The following UBL3 variants were observed in gnomAD, a reference collection of about 807,000 sequenced individuals.
UBL3 encodes the protein ubiquitin-like protein 3.
Under a neutral mutation model 18.4 loss-of-function variants are expected in UBL3, and 6 were observed. That is an observed-to-expected ratio of 0.33 (90% CI 0.18 to 0.64). The LOEUF (loss-of-function observed/expected upper bound fraction) is 0.64, where lower values mean the gene tolerates loss of function less well. Ranked by LOEUF, UBL3 falls within the 30% of genes least tolerant of loss-of-function variation. UBL3 has a pLI of 0.76. For synonymous variants in UBL3, 49 were observed against 46.6 expected, an observed-to-expected ratio of 1.05 and a Z score of -0.21; for missense variants, 109 against 142.9, an observed-to-expected ratio of 0.76 and a Z score of 1.21.
At chr13:29,801,363 C>G (rs1480002969) in intron 1 of UBL3, among the ~76,000 whole-genome samples, 1 of 152,066 alleles carries the variant, frequency 6.6e-6, no homozygotes, top group African/African-American at 2.4e-5. Context: ...CAACCAATAG[C>G]AGCGGTTCTG....
chr13:29,839,852 G>A (rs538255792), intron 1 of UBL3, among the ~76,000 whole-genome samples: 7 of 151,554 alleles, frequency 4.6e-5, no homozygotes, highest in Non-Finnish European at 8.8e-5. Flanking sequence ...GCGTGAACCC[G>A]GGAGGCGGAG....
At chr13:29,805,778 T>A (rs12877107) in intron 1 of UBL3, among the ~76,000 whole-genome samples, 15,533 of 152,216 alleles carry the variant, frequency 0.1, 970 homozygotes, top group African/African-American at 0.17. Context: ...GCTAGACTTT[T>A]AAATAAATTC....
At chr13:29,835,109 TATATATATATATATAA>T (rs1878899738) in intron 1 of UBL3, among the ~76,000 whole-genome samples, 17 of 15,576 alleles carry the variant, frequency 1.1e-3, no homozygotes, top group African/African-American at 3.4e-3. Context: ...TATATATAAA[TATATATATATATATAA>T]ATATATATAT....
chr13:29,811,785 ATAAT>A (rs946566203), intron 1 of UBL3, among the ~76,000 whole-genome samples: 8 of 152,114 alleles, frequency 5.3e-5, no homozygotes. Flanking sequence ...GTTATGTGAG[ATAAT>A]TAAATATCTT....
intron 1 of UBL3, among the ~76,000 whole-genome samples, chr13:29,835,142 ATATATATAT>A (rs1878916574): frequency 1.6e-4 from 2 of 12,322 alleles, no homozygotes; most frequent in Non-Finnish European, 2.9e-4. Flanking sequence ...ATATATATAT[ATATATATAT>A]ATATATATAT....
chr13:29,801,097 C>T (rs1877750079), intron 1 of UBL3, among the ~76,000 whole-genome samples: 1 of 152,172 alleles, frequency 6.6e-6, no homozygotes, highest in African/African-American at 2.4e-5. Flanking sequence ...ACCCACAGCC[C>T]CTCTGCCATT....
chr13:29,849,713 C>T lies in UBL3; in HGVS notation c.-175G>A, dbSNP rs1396194311. 1.4e-5 allele frequency: 11 copies of T among 772,114 alleles called. No individual in the cohort carries two copies. Among genetic ancestry groups the T allele is most frequent in the Non-Finnish European group, 2.3e-5 (11 of 475,518 alleles). 47.8% of individuals were successfully genotyped at this position (772,114 alleles called of 1,614,324 possible). A position where few individuals can be genotyped will look rare whatever the true frequency, so the allele number is the denominator to read the frequency against. ...TGCCGGTCAGGCCGAGGTTCTGGTTCGAAGAGGAACAATCCCCAGGAGCTG... is the reference window on the plus strand; with the variant it reads ...TGCCGGTCAGGCCGAGGTTCTGGTTTGAAGAGGAACAATCCCCAGGAGCTG... On this transcript the variant is annotated 5_prime_UTR_variant, in exon 1 of 5. Transcript: ENST00000380680.
In UBL3 at chr13:29,849,855, G is replaced by A. The variant is rs1879324919; in HGVS notation, c.-317C>T. 2 of 517,486 alleles carry A rather than the reference G, an allele frequency of 3.9e-6. No individual in the cohort carries two copies. Among genetic ancestry groups the A allele is most frequent in the South Asian group, 2.1e-5 (1 of 47,630 alleles). The allele number at this position is 517,486 out of a possible 1,614,324, so 32.1% of individuals were successfully genotyped here. ...CCGCGCCAGGTGGACCGAGCCGAGT[G>A]ACACACGGACATGGAGAGGGGTGGG... is the stretch of plus-strand genomic sequence containing the variant. On this transcript the variant is annotated 5_prime_UTR_variant, in exon 1 of 5. Transcript: ENST00000380680.
chr13:29,824,692 C>T (rs1878569519), intron 1 of UBL3, among the ~76,000 whole-genome samples: 2 of 152,192 alleles, frequency 1.3e-5, no homozygotes, highest in South Asian at 4.1e-4. Flanking sequence ...TTTTGCTGTG[C>T]AGAAGCTCTT....
At chr13:29,784,980 G>A (rs1439130286) in intron 1 of UBL3, among the ~76,000 whole-genome samples, 8 of 152,160 alleles carry the variant, frequency 5.3e-5, no homozygotes, top group Admixed American at 1.3e-4. Context: ...ATCTCGGCTC[G>A]CCGCAACCTC....
chr13:29,774,308 CA>C (rs554076614), intron 2 of UBL3, among the ~76,000 whole-genome samples: 25 of 151,970 alleles, frequency 1.6e-4, no homozygotes, highest in African/African-American at 6.0e-4. Flanking sequence ...CAATACTGCC[CA>C]AATAAATTTC....
At chr13:29,799,367 CT>C (rs1877701532) in intron 1 of UBL3, among the ~76,000 whole-genome samples, 1 of 152,222 alleles carries the variant, frequency 6.6e-6, no homozygotes, top group African/African-American at 2.4e-5. Flanking sequence ...AGAGCACATT[CT>C]TGGAGAAATC....
intron 1 of UBL3, among the ~76,000 whole-genome samples, chr13:29,819,849 G>A (rs1335154324): frequency 6.6e-6 from 1 of 151,778 alleles, no homozygotes. Flanking sequence ...CAAGACCTGA[G>A]ACCTCTATCA....
chr13:29,770,450 A>G (rs1876811666), intron 3 of UBL3, among the ~76,000 whole-genome samples: 1 of 152,084 alleles, frequency 6.6e-6, no homozygotes, highest in African/African-American at 2.4e-5. Flanking sequence ...GTAAAAAATT[A>G]TACTTTAGTG....
At chr13:29,841,894 A>C (rs1879109958) in intron 1 of UBL3, among the ~76,000 whole-genome samples, 1 of 152,178 alleles carries the variant, frequency 6.6e-6, no homozygotes, top group African/African-American at 2.4e-5. Context: ...ACAGGTAAAA[A>C]GTTTTTCCTA....
At chr13:29,782,333 CA>C (rs1012155924) in intron 1 of UBL3, among the ~76,000 whole-genome samples, 1 of 152,116 alleles carries the variant, frequency 6.6e-6, no homozygotes, top group Non-Finnish European at 1.5e-5. Flanking sequence ...GTTCCTGCCA[CA>C]AAATTCTCAG....
At chr13:29,773,935 C>T (rs1382606547) in intron 2 of UBL3, among the ~76,000 whole-genome samples, 1 of 152,162 alleles carries the variant, frequency 6.6e-6, no homozygotes, top group East Asian at 1.9e-4. Context: ...ATTTGCCACA[C>T]ATTTGTTATT....
chr13:29,845,318 T>C (rs1406356185), intron 1 of UBL3, among the ~76,000 whole-genome samples: 1 of 152,102 alleles, frequency 6.6e-6, no homozygotes, highest in Non-Finnish European at 1.5e-5. Context: ...TAATATATTA[T>C]TTATTAAGCT....
intron 1 of UBL3, among the ~76,000 whole-genome samples, chr13:29,822,153 A>T (rs1190295919): frequency 6.6e-6 from 1 of 152,220 alleles, no homozygotes; most frequent in Non-Finnish European, 1.5e-5. Flanking sequence ...TGAAAAGATA[A>T]ATGTATGTGT....
Sources: gnomAD v4.1 joint callset for allele counts (sites outside exome capture counted in the v4.1 genomes callset) on GRCh38, gnomAD v4.1.1 for gene constraint, MANE v1.5 for transcripts, NCBI Gene and HGNC (gene_info 2026-07-23, HGNC 2026-07-21) for gene names.